The following DOCK1 variants were observed in gnomAD, a reference collection of about 807,000 sequenced individuals.
DOCK1 encodes dedicator of cytokinesis protein 1.
DOCK1 carries 138 observed loss-of-function variants against 262.7 expected under a neutral mutation model. The observed-to-expected ratio is 0.53, with a 90% confidence interval of 0.46 to 0.61. The LOEUF (loss-of-function observed/expected upper bound fraction) is 0.61. Among genes scored for constraint, DOCK1 ranks in the 20% least tolerant of loss-of-function variants. DOCK1 has a pLI of 0.00. For synonymous variants in DOCK1, 866 were observed against 867.4 expected, an observed-to-expected ratio of 1.00 and a Z score of 0.03; for missense variants, 1,908 against 2,370.7, an observed-to-expected ratio of 0.80 and a Z score of 4.05.
At chr10:127,098,595 C>T (rs559922695) in intron 23 of DOCK1, among the ~76,000 whole-genome samples, 1 of 152,132 alleles carries the variant, frequency 6.6e-6, no homozygotes, top group East Asian at 1.9e-4. Context: ...ATAGGAAATG[C>T]TACCTTCCCA....
intron 27 of DOCK1, among the ~76,000 whole-genome samples, chr10:127,219,066 G>A (rs1564912088): frequency 6.6e-6 from 1 of 152,100 alleles, no homozygotes; most frequent in Non-Finnish European, 1.5e-5. Context: ...TTTGGAGGGG[G>A]CACATTCAAA....
intron 23 of DOCK1, among the ~76,000 whole-genome samples, chr10:127,086,606 A>G (rs544469504): frequency 6.6e-6 from 1 of 152,314 alleles, no homozygotes; most frequent in East Asian, 1.9e-4. Context: ...ATATGTATAT[A>G]ACAGTTAATT....
chr10:126,944,304 T>G (rs2035232627), intron 1 of DOCK1, among the ~76,000 whole-genome samples: 1 of 151,812 alleles, frequency 6.6e-6, no homozygotes, highest in African/African-American at 2.4e-5. Flanking sequence ...TCCCCAGCAC[T>G]GGGCACAGGG....
chr10:127,231,164 C>A (rs2058828067), intron 27 of DOCK1, among the ~76,000 whole-genome samples: 1 of 151,598 alleles, frequency 6.6e-6, no homozygotes, highest in East Asian at 1.9e-4. Context: ...TCTATCAGAG[C>A]AGGGTTAAAG....
At chr10:127,092,997 A>G (rs2047634678) in intron 23 of DOCK1, among the ~76,000 whole-genome samples, 1 of 152,032 alleles carries the variant, frequency 6.6e-6, no homozygotes, top group African/African-American at 2.4e-5. Context: ...GGAGGCCAGA[A>G]GTCCAAGAGC....
chr10:127,016,812 AACACACACACAGATACACTACACAT>A (rs1222159122), intron 12 of DOCK1, among the ~76,000 whole-genome samples: 3 of 149,342 alleles, frequency 2.0e-5, no homozygotes, highest in Non-Finnish European at 4.4e-5. Flanking sequence ...AGACACCACA[AACACACACACAGATACACTACACAT>A]ACACACACAC....
At chr10:127,043,742 T>C (rs2044167812) in intron 21 of DOCK1, among the ~76,000 whole-genome samples, 1 of 152,172 alleles carries the variant, frequency 6.6e-6, no homozygotes, top group Non-Finnish European at 1.5e-5. Flanking sequence ...GTGTGCCTGG[T>C]ATTGAAGAGC....
chr10:126,937,279 A>G (rs939817764), intron 1 of DOCK1, among the ~76,000 whole-genome samples: 1 of 152,194 alleles, frequency 6.6e-6, no homozygotes, highest in African/African-American at 2.4e-5. Context: ...TCTTGTGAAT[A>G]ATGCTGCTAT....
At chr10:126,948,158 G>A (rs1187384228) in intron 1 of DOCK1, among the ~76,000 whole-genome samples, 529 of 65,850 alleles carry the variant, frequency 8.0e-3, no homozygotes, top group African/African-American at 0.024. Flanking sequence ...TGATGGTGGT[G>A]GTTGGTAGTA....
At chr10:127,127,022 T>G (rs545772870) in intron 26 of DOCK1, among the ~76,000 whole-genome samples, 24 of 152,308 alleles carry the variant, frequency 1.6e-4, no homozygotes, top group African/African-American at 5.5e-4. Flanking sequence ...TGGTCCCACT[T>G]CAGGCTCTTC....
At chr10:127,249,334 GA>G (rs1157519162) in intron 28 of DOCK1, among the ~76,000 whole-genome samples, 2 of 151,122 alleles carry the variant, frequency 1.3e-5, no homozygotes, top group East Asian at 1.9e-4. Flanking sequence ...ATGATCCTTT[GA>G]AAAAATAATA....
intron 10 of DOCK1, 33 bp from the exon 11 acceptor site, chr10:127,008,699 C>T (rs1294872677): frequency 2.6e-6 from 4 of 1,545,368 alleles, no homozygotes; most frequent in Non-Finnish European, 3.5e-6. Flanking sequence ...AGCATTTAAG[C>T]CAAAACAATC....
At chr10:127,212,987 TG>T (rs1234389275) in intron 27 of DOCK1, among the ~76,000 whole-genome samples, 1 of 152,208 alleles carries the variant, frequency 6.6e-6, no homozygotes, top group African/African-American at 2.4e-5. Context: ...ACAATAAGGA[TG>T]TATGAAGTCA....
chr10:127,438,111 C>T (rs1038063029), intron 48 of DOCK1, among the ~76,000 whole-genome samples: 1 of 152,222 alleles, frequency 6.6e-6, no homozygotes, highest in African/African-American at 2.4e-5. Context: ...CTCCTGACTC[C>T]TCCTCACAGC....
intron 31 of DOCK1, among the ~76,000 whole-genome samples, chr10:127,353,374 T>G (rs2063980791): frequency 2.0e-5 from 3 of 152,152 alleles, no homozygotes; most frequent in Admixed American, 2.0e-4. Flanking sequence ...CTCCAAGCAG[T>G]GTTCAGGTCG....
intron 29 of DOCK1, among the ~76,000 whole-genome samples, chr10:127,279,457 T>G (rs1007490523): frequency 2.0e-5 from 3 of 152,214 alleles, no homozygotes; most frequent in African/African-American, 7.2e-5. Flanking sequence ...GAGTCCGTGT[T>G]CTGTATAGAC....
intron 35 of DOCK1, among the ~76,000 whole-genome samples, chr10:127,374,738 CAAAAG>C (rs1194857662): frequency 1.3e-5 from 2 of 152,100 alleles, no homozygotes; most frequent in Admixed American, 6.5e-5. Context: ...TCATAAGAGA[CAAAAG>C]AGAAGACACA....
intron 25 of DOCK1, among the ~76,000 whole-genome samples, chr10:127,121,566 A>C (rs7916450): frequency 0.06 from 9,087 of 152,076 alleles, 632 homozygotes; most frequent in African/African-American, 0.17. Flanking sequence ...AAAATTCAAG[A>C]GTCTTACTGT....
At chr10:127,046,230 A>T (rs2044335896) in intron 21 of DOCK1, among the ~76,000 whole-genome samples, 2 of 152,336 alleles carry the variant, frequency 1.3e-5, no homozygotes, top group Non-Finnish European at 2.9e-5. Context: ...AGCAGGCTTC[A>T]TGCCAGGGTG....
Sources: allele counts gnomAD v4.1 joint callset (sites outside exome capture counted in the v4.1 genomes callset), GRCh38; gene constraint gnomAD v4.1.1; transcripts MANE v1.5; gene names NCBI Gene and HGNC (gene_info 2026-07-23, HGNC 2026-07-21).